Variants in IQGAP2 observed in about 807,000 individuals in gnomAD.
The protein encoded by IQGAP2 is IQ motif containing GTPase activating protein 2, also known as ras GTPase-activating-like protein IQGAP2.
IQGAP2 carries 173 observed loss-of-function variants against 201.3 expected under a neutral mutation model. The observed-to-expected ratio is 0.86, with a 90% CI of 0.76 to 0.98. The LOEUF is 0.98. Among genes scored for constraint, IQGAP2 ranks in the 50% least tolerant of loss-of-function variants. The probability of loss-of-function intolerance (pLI) is 0.00; values close to 1 mark genes in which losing one functional copy is unlikely to be tolerated. For synonymous variants in IQGAP2, 675 were observed against 673.9 expected (o/e 1.00, Z -0.03); for missense variants, 1,687 against 1,864.8 (o/e 0.90, Z 1.76).
chr5:76,661,220 T>A, intron 21 of IQGAP2, among the ~76,000 whole-genome samples: 1 of 57,672 alleles, frequency 1.7e-5, no homozygotes, highest in Admixed American at 1.2e-4. Flanking sequence ...CTTAACATTT[T>A]TTATAGTTCT....
rs74888676 is a variant in IQGAP2, at chr5:76,528,939, A to G, written c.147-33457A>G. On this transcript the variant is annotated intron_variant, in intron 2 of 35. Transcript: ENST00000274364. ...GATTTTGTTTGCTTGAGAAGCAAAGAGAAGATAATTTAGACAAGGGCAAAA... is the reference window on the plus strand; with the variant it reads ...GATTTTGTTTGCTTGAGAAGCAAAGGGAAGATAATTTAGACAAGGGCAAAA... 2.9e-3 allele frequency among the ~76,000 whole-genome samples: 448 copies of G among 152,362 alleles called. 2 individuals are homozygous for G. The highest frequency in any genetic ancestry group is 0.01 in the African/African-American group (426 of 41,578).
chr5:76,520,828 C>T (rs1229618944), intron 2 of IQGAP2, among the ~76,000 whole-genome samples: 4 of 151,688 alleles, frequency 2.6e-5, no homozygotes, highest in Non-Finnish European at 5.9e-5. Context: ...CTTCGTCAGC[C>T]TCCCGAGTGG....
At chr5:76,587,311 C>T (rs1182915739) in intron 5 of IQGAP2, among the ~76,000 whole-genome samples, 1 of 152,094 alleles carries the variant, frequency 6.6e-6, no homozygotes, top group African/African-American at 2.4e-5. Context: ...TTCAAGCTGG[C>T]AATTTTGTTT....
rs111809882 is a variant in IQGAP2, at chr5:76,677,684, T to C, written c.3660+334T>C. 2.8e-3 allele frequency: 507 copies of C among 179,658 alleles called. 4 individuals are homozygous for C. The highest frequency in any genetic ancestry group is 0.011 in the African/African-American group (470 of 42,196). The allele number at this position is 179,658 out of a possible 1,614,324, so 11.1% of individuals were successfully genotyped here. ...GGCATATGCCTGTAATCCCAACACT[T>C]TGGGAGACTGAGGCAGGAGGATCAC... On this transcript the variant is annotated intron_variant, in intron 28 of 35. Coordinates refer to ENST00000274364, the MANE Select transcript of IQGAP2 (RefSeq NM_006633.5).
intron 28 of IQGAP2, among the ~76,000 whole-genome samples, chr5:76,680,473 G>A (rs894856251): frequency 2.0e-5 from 3 of 152,124 alleles, no homozygotes; most frequent in East Asian, 1.9e-4. Flanking sequence ...AGCAAAGGAA[G>A]GAAATAAACT....
intron 2 of IQGAP2, among the ~76,000 whole-genome samples, chr5:76,489,514 T>C (rs1175258731): frequency 2.6e-5 from 4 of 152,094 alleles, no homozygotes; most frequent in African/African-American, 9.7e-5. Flanking sequence ...CAGGCTGGAG[T>C]GCAGTGGCAC....
At chr5:76,469,260 G>A (rs1044084361) in intron 2 of IQGAP2, among the ~76,000 whole-genome samples, 3 of 152,164 alleles carry the variant, frequency 2.0e-5, no homozygotes, top group Non-Finnish European at 4.4e-5. Context: ...CCAGAAAGGC[G>A]TATAGAGTAT....
chr5:76,664,075 A>G (rs1164419630), intron 21 of IQGAP2, among the ~76,000 whole-genome samples: 1 of 152,188 alleles, frequency 6.6e-6, no homozygotes, highest in African/African-American at 2.4e-5. Context: ...CTTTGCATTC[A>G]TGACTTGGCT....
intron 13 of IQGAP2, chr5:76,618,039 A>G (rs774952543): frequency 6.2e-7 from 1 of 1,614,186 alleles, no homozygotes; most frequent in Admixed American, 1.7e-5. Context: ...CAGCATATAT[A>G]AGAAAACTGT....
At chr5:76,651,919 A>G (rs1752548092) in intron 17 of IQGAP2, among the ~76,000 whole-genome samples, 1 of 152,176 alleles carries the variant, frequency 6.6e-6, no homozygotes, top group South Asian at 2.1e-4. Flanking sequence ...GTAAATATAT[A>G]CAGACATGAA....
intron 1 of IQGAP2, among the ~76,000 whole-genome samples, chr5:76,405,087 T>G (rs980581997): frequency 6.6e-6 from 1 of 152,208 alleles, no homozygotes; most frequent in Non-Finnish European, 1.5e-5. Context: ...GCAAACTAGG[T>G]GAATCTACAT....
intron 27 of IQGAP2, among the ~76,000 whole-genome samples, 184 bp downstream of exon 27, chr5:76,674,893 C>T (rs917215426): frequency 2.6e-5 from 4 of 152,136 alleles, no homozygotes; most frequent in Admixed American, 6.5e-5. Flanking sequence ...CTCTGTCTGG[C>T]GATCCTATCG....
chr5:76,484,660 T>TA (rs1756003158), intron 2 of IQGAP2, among the ~76,000 whole-genome samples: 1 of 152,032 alleles, frequency 6.6e-6, no homozygotes, highest in Non-Finnish European at 1.5e-5. Flanking sequence ...AATAAAAAAA[T>TA]TAAAAAAAGA....
chr5:76,486,763 C>T (rs1389149173), intron 2 of IQGAP2, among the ~76,000 whole-genome samples: 1 of 152,114 alleles, frequency 6.6e-6, no homozygotes, highest in East Asian at 1.9e-4. Flanking sequence ...TGAATTTAAA[C>T]TTCTTCAGAG....
At chr5:76,551,768 C>A (rs916120422) in intron 2 of IQGAP2, among the ~76,000 whole-genome samples, 5 of 151,888 alleles carry the variant, frequency 3.3e-5, no homozygotes, top group Non-Finnish European at 5.9e-5. Context: ...GCAGGAGAAT[C>A]AGGCAGGGAG....
At chr5:76,628,836 T>G in intron 14 of IQGAP2, 1 of 410,068 alleles carries the variant, frequency 2.4e-6, no homozygotes, top group South Asian at 1.8e-5. Flanking sequence ...AAAAAAATAA[T>G]GAAGTGGAGG....
chr5:76,487,903 T>C (rs1034759877), intron 2 of IQGAP2, among the ~76,000 whole-genome samples: 2 of 152,160 alleles, frequency 1.3e-5, no homozygotes, highest in African/African-American at 4.8e-5. Context: ...GGTAGAACCA[T>C]ATTGGGAAGC....
intron 16 of IQGAP2, among the ~76,000 whole-genome samples, chr5:76,640,066 T>C (rs2150400757): frequency 6.6e-6 from 1 of 152,346 alleles, no homozygotes; most frequent in South Asian, 2.1e-4. Flanking sequence ...GTTAAGATTA[T>C]TAACCAGTGG....
intron 2 of IQGAP2, among the ~76,000 whole-genome samples, chr5:76,534,849 A>G (rs1759525118): frequency 6.6e-6 from 1 of 152,246 alleles, no homozygotes; most frequent in Non-Finnish European, 1.5e-5. Context: ...AAGAAGTGTG[A>G]GTCTTTTAAA....
Sources: gnomAD v4.1 joint callset for allele counts (sites outside exome capture counted in the v4.1 genomes callset) on GRCh38, gnomAD v4.1.1 for gene constraint, MANE v1.5 for transcripts, NCBI Gene and HGNC (gene_info 2026-07-23, HGNC 2026-07-21) for gene names.